The following HMCN1 variants were observed in gnomAD, a reference collection of about 807,000 sequenced individuals.
The protein encoded by HMCN1 is hemicentin-1.
HMCN1 carries 321 observed loss-of-function variants against 625.9 expected under a neutral mutation model. That is an observed-to-expected ratio of 0.51 (90% CI 0.47 to 0.56). The LOEUF (loss-of-function observed/expected upper bound fraction) is 0.56. HMCN1 is among the 20% of genes least tolerant of loss of function. The pLI is 0.00. For synonymous variants in HMCN1, 2,425 were observed against 2,417.6 expected, an observed-to-expected ratio of 1.00 and a Z score of -0.09; for missense variants, 6,588 against 6,887.3, an observed-to-expected ratio of 0.96 and a Z score of 1.54.
At position 186,093,636 on chromosome 1, in the gene HMCN1, A is replaced by G. The variant is rs78771108; in HGVS notation, c.10163A>G (p.His3388Arg). 1.5e-5 allele frequency: 25 copies of G among 1,613,162 alleles called. No individual in the cohort carries two copies. The highest frequency in any genetic ancestry group is 1.9e-5 in the Non-Finnish European group (23 of 1,179,542). ...GGACTTCCTCTGCCTCTCTCCTCCC[A>G]TATCCGGTTACTGGCAGCAGGACAA... is the stretch of plus-strand genomic sequence containing the variant. ...KNGLPLPLSS[H>R]IRLLAAGQVI... The change falls in exon 66 of 107, where the codon CAT (histidine) becomes CGT (arginine). Residue 3388 changes from histidine (H) to arginine (R), a missense_variant. Physicochemically the swap from His to Arg is conservative, Grantham distance 29 (BLOSUM62 0). Around this residue, in one of 3 missense-constraint regions of HMCN1, gnomAD observed 4,628 missense variants for 4,853.1 expected, o/e 0.95. Transcript: ENST00000271588.
At chr1:185,922,906 G>C (rs1014363203) in intron 7 of HMCN1, among the ~76,000 whole-genome samples, 2 of 152,056 alleles carry the variant, frequency 1.3e-5, no homozygotes, top group Non-Finnish European at 2.9e-5. Flanking sequence ...TGTGTATATA[G>C]CTGAAAAATT....
At chr1:185,949,259 T>A (rs56327694) in intron 11 of HMCN1, among the ~76,000 whole-genome samples, 2,630 of 151,524 alleles carry the variant, frequency 0.017, 89 homozygotes, top group African/African-American at 0.06. Context: ...TTGAGAACGG[T>A]GAATATGAGT....
Position 186,045,592 on chromosome 1 carries a change from A to G in HMCN1, c.6305-96A>G. 8 of 935,136 alleles carry G rather than the reference A, an allele frequency of 8.6e-6. No homozygotes were observed. In the South Asian group the frequency reaches 1.1e-4, roughly 12 times the overall value. 57.9% of individuals were successfully genotyped at this position (935,136 alleles called of 1,614,324 possible). Reference sequence around the variant, plus strand: ...ATTGTGATCCTATATCTTTAAAAGAACCAATAAAGGTATTCAGTATATGTC... The same window carrying G: ...ATTGTGATCCTATATCTTTAAAAGAGCCAATAAAGGTATTCAGTATATGTC... On this transcript the variant is annotated intron_variant, in intron 40 of 106. Transcript: ENST00000271588.
chr1:185,806,974 T>G (rs938750172), intron 1 of HMCN1, among the ~76,000 whole-genome samples: 7 of 152,190 alleles, frequency 4.6e-5, no homozygotes, highest in Non-Finnish European at 7.3e-5. Flanking sequence ...TCTCGATGAT[T>G]GAAAATCTAT....
chr1:186,075,012 T>G, intron 53 of HMCN1, 121 bp downstream of exon 53: 1 of 835,828 alleles, frequency 1.2e-6, no homozygotes, highest in Non-Finnish European at 1.9e-6. Context: ...AATTCATGAT[T>G]GAAAATTTAG....
At chr1:186,119,559 A>G (rs973537214) in intron 78 of HMCN1, among the ~76,000 whole-genome samples, 186 bp from the exon 79 acceptor site, 2 of 152,144 alleles carry the variant, frequency 1.3e-5, no homozygotes, top group African/African-American at 2.4e-5. Flanking sequence ...GGTTCTTCTA[A>G]TGGAAACTGG....
chr1:186,020,462 C>G (rs1299960044), intron 35 of HMCN1, among the ~76,000 whole-genome samples: 1 of 151,892 alleles, frequency 6.6e-6, no homozygotes, highest in East Asian at 1.9e-4. Flanking sequence ...ATTCCAAATC[C>G]AATGGAAATA....
chr1:186,151,068 T>C (rs150417188), intron 93 of HMCN1, 132 bp from the exon 94 acceptor site: 1 of 812,866 alleles, frequency 1.2e-6, no homozygotes, highest in African/African-American at 1.7e-5. Context: ...ACTATTAAAT[T>C]CAGATGTCAT....
chr1:186,057,298 A>G lies in HMCN1; in HGVS notation c.7209A>G (p.Ser2403=), dbSNP rs972626402. The change falls in exon 46 of 107, where the codon TCA becomes TCG. Residue 2403 remains serine (S), a synonymous_variant. Coordinates refer to ENST00000271588, the MANE Select transcript of HMCN1 (RefSeq NM_031935.3). The part of the protein sequence containing the change: ...PENISVVEKN[S]VSLTCEASGI... Reference sequence around the variant, plus strand: ...ATATTAGTGTGGTAGAAAAGAACTCAGTATCTTTGACTTGTGAAGCTTCTG... The same window carrying G: ...ATATTAGTGTGGTAGAAAAGAACTCGGTATCTTTGACTTGTGAAGCTTCTG... The G allele has an allele frequency of 3.1e-6, 5 of 1,610,476 alleles. No homozygotes were observed. Among genetic ancestry groups the G allele is most frequent in the Middle Eastern group, 1.7e-4 (1 of 6,052 alleles).
intron 64 of HMCN1, 59 bp from the exon 65 acceptor site, chr1:186,093,075 G>A (rs2102416411): frequency 6.2e-7 from 1 of 1,607,430 alleles, no homozygotes; most frequent in Non-Finnish European, 8.5e-7. Flanking sequence ...AGGCTTTCAT[G>A]TACTTAGTGA....
At position 186,137,708 on chromosome 1, in the gene HMCN1, G is replaced by A. The variant is rs749275156; in HGVS notation, c.13753+40G>A. 3 of 1,613,690 alleles carry A rather than the reference G, an allele frequency of 1.9e-6. No individual in the cohort carries two copies. The East Asian group carries it at 6.7e-5, about 36-fold the overall frequency. ...TTAACTGATAGGCATGTGTTTAATA[G>A]ACCTTCATTTCTGTCTTCTACCTAT... On this transcript the variant is annotated intron_variant, in intron 88 of 106. Coordinates refer to ENST00000271588, the MANE Select transcript of HMCN1 (RefSeq NM_031935.3).
intron 24 of HMCN1, among the ~76,000 whole-genome samples, chr1:185,996,229 A>G (rs950653436): frequency 6.6e-6 from 1 of 152,160 alleles, no homozygotes; most frequent in African/African-American, 2.4e-5. Flanking sequence ...GGGTAGGGAC[A>G]TGTCAGTTGA....
intron 42 of HMCN1, among the ~76,000 whole-genome samples, chr1:186,049,498 G>A (rs991503024): frequency 6.6e-6 from 1 of 151,692 alleles, no homozygotes. Context: ...ATTCTCAGTT[G>A]AAATTTTACC....
At chr1:185,815,853 A>G (rs1322362) in intron 1 of HMCN1, among the ~76,000 whole-genome samples, 37,577 of 149,802 alleles carry the variant, frequency 0.25, 5,820 homozygotes, top group Non-Finnish European at 0.29. Context: ...CTGAGCATCA[A>G]TTTGATTTGT....
intron 1 of HMCN1, among the ~76,000 whole-genome samples, chr1:185,761,623 AT>A (rs1655512021): frequency 6.6e-6 from 1 of 152,164 alleles, no homozygotes; most frequent in Admixed American, 6.6e-5. Flanking sequence ...TGACAACTGT[AT>A]TTTATCTAGA....
intron 2 of HMCN1, among the ~76,000 whole-genome samples, chr1:185,862,663 G>A (rs1033942140): frequency 2.6e-5 from 4 of 152,126 alleles, no homozygotes; most frequent in Non-Finnish European, 4.4e-5. Context: ...TGAGAGCGGT[G>A]TTATTTGTTA....
At chr1:185,738,509 G>A (rs571353019) in intron 1 of HMCN1, among the ~76,000 whole-genome samples, 2 of 152,110 alleles carry the variant, frequency 1.3e-5, no homozygotes, top group East Asian at 3.9e-4. Context: ...TCTTTTTATG[G>A]CCAAATAATA....
At chr1:186,047,645 G>T (rs1002142060) in intron 41 of HMCN1, among the ~76,000 whole-genome samples, 3 of 152,032 alleles carry the variant, frequency 2.0e-5, no homozygotes, top group Non-Finnish European at 4.4e-5. Context: ...TATGAGACAT[G>T]CAGGCCTGTG....
At chr1:185,783,821 G>T (rs555216442) in intron 1 of HMCN1, among the ~76,000 whole-genome samples, 8 of 152,176 alleles carry the variant, frequency 5.3e-5, no homozygotes, top group Non-Finnish European at 1.5e-5. Flanking sequence ...CAGTCTGACC[G>T]TTCTCAGATC....
Sources: gnomAD v4.1 joint callset for allele counts (sites outside exome capture counted in the v4.1 genomes callset) on GRCh38, gnomAD v4.1.1 for gene constraint, gnomAD v4.1.1 regional missense constraint, MANE v1.5 for transcripts, NCBI Gene and HGNC (gene_info 2026-07-23, HGNC 2026-07-21) for gene names.